FXN: variants seen among roughly 807,000 people sequenced by gnomAD.
FXN encodes the protein frataxin, mitochondrial.
Under a neutral mutation model 22.4 loss-of-function variants are expected in FXN, and 14 were observed. The observed-to-expected ratio is 0.62, with a 90% CI of 0.41 to 0.98. FXN has a LOEUF of 0.98. Ranked by LOEUF, FXN falls within the 50% of genes least tolerant of loss-of-function variation. The pLI, the probability that FXN is intolerant of heterozygous loss-of-function variation, is 0.00. For synonymous variants in FXN, 120 were observed against 114.1 expected, an observed-to-expected ratio of 1.05 and a Z score of -0.33; for missense variants, 267 against 268.4, an observed-to-expected ratio of 0.99 and a Z score of 0.04.
intron 3 of FXN, among the ~76,000 whole-genome samples, chr9:69,053,534 T>C (rs567364030): frequency 2.0e-5 from 3 of 151,898 alleles, no homozygotes; most frequent in African/African-American, 7.2e-5. Flanking sequence ...GATAGATAGA[T>C]AGCTGGATAG....
At chr9:69,054,861 G>A (rs142784613) in intron 3 of FXN, among the ~76,000 whole-genome samples, 63 of 152,268 alleles carry the variant, frequency 4.1e-4, no homozygotes, top group African/African-American at 1.3e-3. Flanking sequence ...AAAATGTCAC[G>A]AAGCGTGCAT....
intron 4 of FXN, among the ~76,000 whole-genome samples, chr9:69,068,531 G>A (rs1479902578): frequency 4.6e-5 from 7 of 152,228 alleles, no homozygotes; most frequent in African/African-American, 1.7e-4. Flanking sequence ...CCTGCTGGCC[G>A]CCACGACATG....
At chr9:69,047,724 C>CT (rs139522465) in intron 2 of FXN, among the ~76,000 whole-genome samples, 8 of 151,296 alleles carry the variant, frequency 5.3e-5, no homozygotes, top group East Asian at 1.9e-4. Context: ...CTCTCTCTCT[C>CT]TTTTTTTTTC....
Position 69,073,860 on chromosome 9 carries a change from C to T in FXN, c.*1098C>T, listed in dbSNP as rs1832318561. 2.0e-6 allele frequency: 2 copies of T among 985,228 alleles called. No homozygotes were observed. The highest frequency in any genetic ancestry group is 3.5e-5 in the African/African-American group (2 of 57,216). 61.0% of individuals were successfully genotyped at this position (985,228 alleles called of 1,614,324 possible). ...AACATTGTTATTGGTGTTGCCCTAT[C>T]GTGATTTCAGTTGAATTCATGTGAA... On this transcript the variant is annotated 3_prime_UTR_variant, in exon 5 of 5. Transcript: ENST00000484259.
In FXN at chr9:69,053,148, A is replaced by G; in HGVS notation, c.272A>G (p.Asp91Gly). The G allele has an allele frequency of 6.2e-7, 1 of 1,613,964 alleles. No individual in the cohort carries two copies. The highest frequency in any genetic ancestry group is 8.5e-7 in the Non-Finnish European group (1 of 1,179,970). The change falls in exon 3 of 5, where the codon GAT becomes GGT. Residue 91 changes from aspartate (D) to glycine (G), a missense_variant. By Grantham distance (94) the Asp-to-Gly change is moderately conservative. Transcript: ENST00000484259. Reference protein sequence around the residue: ...SGTLGHPGSLDETTYERLAEE... With the variant: ...SGTLGHPGSLGETTYERLAEE... ...TTGTGCTTCCTCTGCAGCTCTCTAG[A>G]TGAGACCACCTATGAAAGACTAGCA...
At chr9:69,037,284 A>AAAAAAAAAAAAAAAAGAAGAAG (rs544093183) in intron 1 of FXN, among the ~76,000 whole-genome samples, 3 of 78,052 alleles carry the variant, frequency 3.8e-5, no homozygotes, top group Non-Finnish European at 7.6e-5. Context: ...AAAAAAAAAA[A>AAAAAAAAAAAAAAAAGAAGAAG]AAGAAGAAGA....
chr9:69,057,307 G>A (rs919215610), intron 3 of FXN, among the ~76,000 whole-genome samples: 4 of 152,158 alleles, frequency 2.6e-5, no homozygotes, highest in Non-Finnish European at 5.9e-5. Flanking sequence ...ATTTGAACCA[G>A]GCGACAAAAC....
At chr9:69,060,292 A>G (rs952801095) in intron 3 of FXN, among the ~76,000 whole-genome samples, 2 of 151,556 alleles carry the variant, frequency 1.3e-5, no homozygotes, top group African/African-American at 4.9e-5. Context: ...AATGGCGTGA[A>G]CCCGGGAGGC....
At chr9:69,067,070 C>T (rs2498433) in intron 4 of FXN, among the ~76,000 whole-genome samples, 77,967 of 152,034 alleles carry the variant, frequency 0.51, 20,213 homozygotes, top group Admixed American at 0.61. Context: ...GAAGCGGGCC[C>T]TGAGGACAAG....
At chr9:69,055,535 C>T (rs1831943068) in intron 3 of FXN, among the ~76,000 whole-genome samples, 1 of 151,206 alleles carries the variant, frequency 6.6e-6, no homozygotes, top group Non-Finnish European at 1.5e-5. Flanking sequence ...GCTCTGTCAC[C>T]CAGGCTGGAG....
At chr9:69,049,020 G>C (rs1258853880) in intron 2 of FXN, among the ~76,000 whole-genome samples, 1 of 152,202 alleles carries the variant, frequency 6.6e-6, no homozygotes, top group African/African-American at 2.4e-5. Context: ...ACTCTCTGCT[G>C]CTTTCCCCTT....
intron 4 of FXN, among the ~76,000 whole-genome samples, chr9:69,069,391 A>G (rs1376081683): frequency 6.6e-6 from 1 of 152,212 alleles, no homozygotes; most frequent in Non-Finnish European, 1.5e-5. Context: ...AGGAAAGGCC[A>G]AGGCAGGAAT....
chr9:69,077,546 A>G lies in FXN; in HGVS notation c.*4784A>G, dbSNP rs1325321593. On this transcript the variant is annotated 3_prime_UTR_variant, in exon 5 of 5. Coordinates refer to ENST00000484259, the MANE Select transcript of FXN (RefSeq NM_000144.5). ...CAGACCTCTGAGGCCCCATCCAGGT[A>G]GAAGTACTAGTGCAAGAAGGGCCTC... 3.0e-6 allele frequency: 3 copies of G among 985,328 alleles called. No homozygotes were observed. The highest frequency in any genetic ancestry group is 3.5e-5 in the African/African-American group (2 of 57,252). 61.0% of individuals were successfully genotyped at this position (985,328 alleles called of 1,614,324 possible).
chr9:69,069,565 T>A (rs1359131634), intron 4 of FXN, among the ~76,000 whole-genome samples: 1 of 152,202 alleles, frequency 6.6e-6, no homozygotes, highest in Non-Finnish European at 1.5e-5. Context: ...GATGGGGACT[T>A]GGCAGTGGAG....
intron 4 of FXN, 28 bp from the exon 5 acceptor site, chr9:69,072,584 A>G: frequency 1.2e-6 from 2 of 1,613,826 alleles, no homozygotes; most frequent in South Asian, 2.2e-5. Context: ...GTGCTGTGGA[A>G]TTACTATGCA....
intron 1 of FXN, among the ~76,000 whole-genome samples, chr9:69,044,057 C>T (rs968163401): frequency 3.3e-5 from 5 of 152,096 alleles, no homozygotes; most frequent in Admixed American, 3.3e-4. Flanking sequence ...ATATATATTA[C>T]ATAAGGTGTC....
rs2133145769 is a variant in FXN, at chr9:69,076,713, C to T, written c.*3951C>T. The T allele has an allele frequency of 1.0e-6, 1 of 985,412 alleles. No homozygotes were observed. The highest frequency in any genetic ancestry group is 1.2e-6 in the Non-Finnish European group (1 of 829,942). 61.0% of individuals were successfully genotyped at this position (985,412 alleles called of 1,614,324 possible). A position where few individuals can be genotyped will look rare whatever the true frequency, so the allele number is the denominator to read the frequency against. ...GTTGCCAAGGAAAAATCGCTTTACG[C>T]TTCCAAGGTACACACTAAGATGAAA... On this transcript the variant is annotated 3_prime_UTR_variant, in exon 5 of 5. Transcript: ENST00000484259.
In FXN at chr9:69,073,600, T is replaced by A. The variant is rs1832313458; in HGVS notation, c.*838T>A. The A allele has an allele frequency of 9.1e-6, 9 of 985,344 alleles. No individual in the cohort carries two copies. The highest frequency in any genetic ancestry group is 1.1e-5 in the Non-Finnish European group (9 of 829,942). The allele number at this position is 985,344 out of a possible 1,614,324, so 61.0% of individuals were successfully genotyped here. ...GGCAGATAAAGGAAGGAGATACTCA[T>A]GTTGATAAAGAGAGCCCTGGTCCTA... On this transcript the variant is annotated 3_prime_UTR_variant, in exon 5 of 5. Coordinates refer to ENST00000484259, the MANE Select transcript of FXN (RefSeq NM_000144.5).
At chr9:69,061,680 C>T (rs1176641250) in intron 3 of FXN, among the ~76,000 whole-genome samples, 7 of 150,742 alleles carry the variant, frequency 4.6e-5, no homozygotes, top group Non-Finnish European at 7.4e-5. Context: ...TTCCCCCTCC[C>T]TCCACCCCAC....
Sources: gnomAD v4.1 joint callset for allele counts (sites outside exome capture counted in the v4.1 genomes callset) on GRCh38, gnomAD v4.1.1 for gene constraint, MANE v1.5 for transcripts, NCBI Gene and HGNC (gene_info 2026-07-23, HGNC 2026-07-21) for gene names.